Variants in MAP3K3 observed in about 807,000 individuals in gnomAD.
MAP3K3 encodes the protein mitogen-activated protein kinase kinase kinase 3, also known as MAP/ERK kinase kinase 3.
In MAP3K3, 12 loss-of-function variants were observed where a neutral mutation model predicts 80.9. The ratio of observed to expected loss-of-function variants is 0.15; its 90% CI spans 0.10 to 0.24. The LOEUF (loss-of-function observed/expected upper bound fraction) is 0.24, where lower values mean the gene tolerates loss of function less well. Among genes scored for constraint, MAP3K3 ranks in the 10% least tolerant of loss-of-function variants. The pLI, the probability that MAP3K3 is intolerant of heterozygous loss-of-function variation, is 1.00. For missense variants in MAP3K3, 596 were observed against 834.7 expected, an observed-to-expected ratio of 0.71 and a Z score of 3.52; for synonymous variants, 272 against 307.1, an observed-to-expected ratio of 0.89 and a Z score of 1.19.
At chr17:63,664,973 C>CT (rs1049434935) in intron 5 of MAP3K3, among the ~76,000 whole-genome samples, 2 of 151,936 alleles carry the variant, frequency 1.3e-5, no homozygotes, top group African/African-American at 4.8e-5. Flanking sequence ...TGCTTGGACT[C>CT]TGTGTCCAGA....
intron 6 of MAP3K3, among the ~76,000 whole-genome samples, chr17:63,676,256 C>G (rs1463492824): frequency 1.3e-5 from 2 of 152,168 alleles, no homozygotes; most frequent in Non-Finnish European, 2.9e-5. Flanking sequence ...ATTTTTCCCC[C>G]CAGACCCTCC....
At chr17:63,674,597 C>T (rs961741526) in intron 6 of MAP3K3, among the ~76,000 whole-genome samples, 26 of 152,126 alleles carry the variant, frequency 1.7e-4, no homozygotes, top group Admixed American at 2.0e-4. Context: ...AATCCTTCTA[C>T]ACCTCAGCTT....
intron 6 of MAP3K3, among the ~76,000 whole-genome samples, chr17:63,679,012 G>C (rs1404959840): frequency 3.9e-5 from 6 of 152,160 alleles, no homozygotes; most frequent in Non-Finnish European, 8.8e-5. Context: ...CTGGGCAACA[G>C]AGCAAGACTC....
intron 8 of MAP3K3, 144 bp downstream of exon 8, chr17:63,685,734 C>A: frequency 1.5e-6 from 1 of 658,214 alleles, no homozygotes; most frequent in Non-Finnish European, 2.8e-6. Flanking sequence ...CCCAACACCA[C>A]GAGAATGTTA....
intron 5 of MAP3K3, among the ~76,000 whole-genome samples, chr17:63,661,195 T>C (rs2034884191): frequency 6.6e-6 from 1 of 152,250 alleles, no homozygotes; most frequent in Middle Eastern, 3.4e-3. Flanking sequence ...TACAGGTGCA[T>C]GCCACCATGC....
intron 12 of MAP3K3, 36 bp downstream of exon 12, chr17:63,690,448 C>CT: frequency 6.2e-7 from 1 of 1,600,652 alleles, no homozygotes; most frequent in Non-Finnish European, 8.5e-7. Flanking sequence ...CAGTTCCCTC[C>CT]TTTCAACAAA....
At chr17:63,681,089 C>A in intron 6 of MAP3K3, among the ~76,000 whole-genome samples, 1 of 140,284 alleles carries the variant, frequency 7.1e-6, no homozygotes, top group Non-Finnish European at 1.5e-5. Flanking sequence ...ACCTGAGCAA[C>A]ATAGTGAGAC....
rs1448947597 is a variant in MAP3K3, at chr17:63,691,306, G to A, written c.1344+73G>A. Reference sequence around the variant, plus strand: ...ACCTGGGGGCTGGGGCCTGCAGGAGGGGGGTCACCTTGGATAGGAGTTTGA... The same window carrying A: ...ACCTGGGGGCTGGGGCCTGCAGGAGAGGGGTCACCTTGGATAGGAGTTTGA... On this transcript the variant is annotated intron_variant, in intron 13 of 15. Coordinates refer to ENST00000361733, the MANE Select transcript of MAP3K3 (RefSeq NM_002401.5). This position sits in a 1 kb window ranked among gnomAD's most constrained non-coding sequence, Gnocchi z 4.8. The A allele has an allele frequency of 1.3e-5, 20 of 1,599,460 alleles. No homozygotes were observed. Among genetic ancestry groups the A allele is most frequent in the Non-Finnish European group, 1.6e-5 (19 of 1,170,442 alleles).
Position 63,689,819 on chromosome 17 carries a change from C to A in MAP3K3, c.1063+84C>A. Reference sequence around the variant, plus strand: ...GGGCAAACAGCTGGGCCCCTGGGACCCTTAGGCTCAGCAGGTGGTGGCTTT... The same window carrying A: ...GGGCAAACAGCTGGGCCCCTGGGACACTTAGGCTCAGCAGGTGGTGGCTTT... On this transcript the variant is annotated intron_variant, in intron 11 of 15. Transcript: ENST00000361733. The surrounding 1 kb of genome is among the most constrained non-coding windows in gnomAD (Gnocchi z 4.3). 7.3e-7 allele frequency: 1 copy of A among 1,372,568 alleles called. No individual in the cohort carries two copies. The highest frequency in any genetic ancestry group is 1.4e-5 in the South Asian group (1 of 70,646). 85.0% of individuals were successfully genotyped at this position (1,372,568 alleles called of 1,614,324 possible).
In MAP3K3 at chr17:63,622,590, G is replaced by GCGGAGC. The variant is rs896506927; in HGVS notation, c.-156_-151dup. 6 of 157,202 alleles carry GCGGAGC rather than the reference G, an allele frequency of 3.8e-5. No individual in the cohort carries two copies. The highest frequency in any genetic ancestry group is 6.9e-5 in the Non-Finnish European group (5 of 72,642). 9.7% of individuals were successfully genotyped at this position (157,202 alleles called of 1,614,324 possible). On this transcript the variant is annotated 5_prime_UTR_variant, in exon 1 of 16. Transcript: ENST00000361733. ...CCGATGCCACAGCGCCCGGCCGCGGGCGGAGCCGGAGCCGGAGCCTGGGGA... is the reference window on the plus strand; with the variant it reads ...CCGATGCCACAGCGCCCGGCCGCGGGCGGAGCCGGAGCCGGAGCCGGAGCCTGGGGA...
chr17:63,630,672 A>G (rs2034197602), intron 1 of MAP3K3, among the ~76,000 whole-genome samples: 2 of 152,190 alleles, frequency 1.3e-5, no homozygotes, highest in Admixed American at 6.5e-5. Context: ...TAGAAGGTAT[A>G]AAATAATTGA....
At chr17:63,645,956 G>A in intron 2 of MAP3K3, 78 bp from the exon 3 acceptor site, 4 of 1,172,666 alleles carry the variant, frequency 3.4e-6, no homozygotes, top group Non-Finnish European at 5.1e-6. Flanking sequence ...CTAACGAACT[G>A]CCCAAGGCTT....
rs931834588 is a variant in MAP3K3 at position 63,672,398 on chromosome 17, G to A, written c.502+5338G>A. On this transcript the variant is annotated intron_variant, in intron 6 of 15. Coordinates refer to ENST00000361733, the MANE Select transcript of MAP3K3 (RefSeq NM_002401.5). ...AATGGCATCGCCTTTCACTAAGACA[G>A]GAATACTGGAAGAGAGCCTGGTTCC... Among the ~76,000 whole-genome samples, 15 of 152,092 alleles carry A rather than the reference G, an allele frequency of 9.9e-5. No individual in the cohort carries two copies. In the East Asian group the frequency reaches 2.9e-3, roughly 29 times the overall value.
intron 4 of MAP3K3, among the ~76,000 whole-genome samples, chr17:63,656,778 C>T (rs559656036): frequency 1.3e-5 from 2 of 152,212 alleles, no homozygotes; most frequent in East Asian, 1.9e-4. Flanking sequence ...TTCACTGGAA[C>T]GTATGAGTGT....
intron 7 of MAP3K3, 68 bp from the exon 8 acceptor site, chr17:63,685,449 A>T: frequency 7.7e-7 from 1 of 1,291,284 alleles, no homozygotes; most frequent in East Asian, 2.3e-5. Context: ...GGCCCTTGCC[A>T]TAAAGCCTGG....
chr17:63,653,172 C>G (rs1461458446), intron 4 of MAP3K3, among the ~76,000 whole-genome samples: 1 of 152,192 alleles, frequency 6.6e-6, no homozygotes, highest in African/African-American at 2.4e-5. Flanking sequence ...CCTCCTCACT[C>G]CACCCCAACG....
chr17:63,656,229 CA>C (rs112725126), intron 4 of MAP3K3, among the ~76,000 whole-genome samples: 12 of 143,754 alleles, frequency 8.3e-5, no homozygotes, highest in Middle Eastern at 3.5e-3. Context: ...GATGCTGTCT[CA>C]AAAAAAAAAA....
intron 7 of MAP3K3, among the ~76,000 whole-genome samples, chr17:63,684,543 A>G (rs1013811726): frequency 1.4e-4 from 21 of 152,286 alleles, no homozygotes; most frequent in African/African-American, 5.1e-4. Context: ...GTGGGGATGG[A>G]CCCTGGTATT....
At position 63,693,902 on chromosome 17, in the gene MAP3K3, G is replaced by A. The variant is rs1165674863; in HGVS notation, c.*125G>A. The A allele has an allele frequency of 8.5e-6, 7 of 824,398 alleles. No homozygotes were observed. In the African/African-American group the frequency reaches 8.7e-5, roughly 10 times the overall value. 51.1% of individuals were successfully genotyped at this position (824,398 alleles called of 1,614,324 possible). ...ACCATGGAGTGGCAGCCCAGCCAGC[G>A]TCGGTCTGTGCCCCTTCCGCCACTG... On this transcript the variant is annotated 3_prime_UTR_variant, in exon 16 of 16. Coordinates refer to ENST00000361733, the MANE Select transcript of MAP3K3 (RefSeq NM_002401.5). The surrounding 1 kb of genome is among the most constrained non-coding windows in gnomAD (Gnocchi z 4.2).
Sources: gnomAD v4.1 joint callset for allele counts (sites outside exome capture counted in the v4.1 genomes callset) on GRCh38, gnomAD v4.1.1 for gene constraint, Gnocchi (gnomAD v3.1) non-coding constraint, MANE v1.5 for transcripts, NCBI Gene and HGNC (gene_info 2026-07-23, HGNC 2026-07-21) for gene names.